Variants in CDH22 observed in about 807,000 individuals in gnomAD.
CDH22 encodes the protein cadherin-22.
CDH22 carries 30 observed loss-of-function variants against 58.4 expected under a neutral mutation model. That is an observed-to-expected ratio of 0.51 (90% confidence interval 0.38 to 0.70). The LOEUF (loss-of-function observed/expected upper bound fraction) is 0.70, where lower values mean the gene tolerates loss of function less well. Ranked by LOEUF, CDH22 falls within the 30% of genes least tolerant of loss-of-function variation. The pLI is 0.00. For synonymous variants in CDH22, 513 were observed against 558.2 expected (o/e 0.92, Z 1.14); for missense variants, 1,014 against 1,233.9 (o/e 0.82, Z 2.67).
At chr20:46,252,104 C>T (rs1303996002) in intron 1 of CDH22, among the ~76,000 whole-genome samples, 1 of 152,006 alleles carries the variant, frequency 6.6e-6, no homozygotes, top group Non-Finnish European at 1.5e-5. Context: ...TCAAGAGCCC[C>T]CAAGACCCAG....
chr20:46,288,706 C>CA (rs1191141846), intron 1 of CDH22, among the ~76,000 whole-genome samples: 5 of 152,174 alleles, frequency 3.3e-5, no homozygotes, highest in Non-Finnish European at 5.9e-5. Context: ...CTGCTTCCGC[C>CA]AAAAGCCTTG....
Position 46,178,060 on chromosome 20 carries a change from C to T in CDH22, c.1801G>A (p.Gly601Ser). The change falls in exon 11 of 12, where the codon GGC (glycine) becomes AGC (serine). Residue 601 changes from glycine to serine, a missense_variant. Physicochemically the swap from Gly to Ser is moderately conservative, Grantham distance 56. This residue lies in a region of CDH22 where 806 missense variants were observed against 1,038.7 expected (regional missense o/e 0.78). Coordinates refer to ENST00000537909, the MANE Select transcript of CDH22 (RefSeq NM_021248.3). ...TGGATGGTGCCGGAGCTGTCGCAGCCACAGATGCGGATGGTGAGCGTGCCT... is the reference window on the plus strand; with the variant it reads ...TGGATGGTGCCGGAGCTGTCGCAGCTACAGATGCGGATGGTGAGCGTGCCT... Reference protein sequence around the residue: ...STGTLTIRICGCDSSGTIQSC... With the variant: ...STGTLTIRICSCDSSGTIQSC... 1 of 1,614,094 alleles carries T rather than the reference C, an allele frequency of 6.2e-7. No homozygotes were observed.
In CDH22 at chr20:46,210,456, C is replaced by T. The variant is rs375912452; in HGVS notation, c.1137G>A (p.Ala379=). 4.0e-5 allele frequency: 57 copies of T among 1,434,806 alleles called. No homozygotes were observed. The highest frequency in any genetic ancestry group is 1.7e-4 in the Admixed American group (6 of 34,298). 88.9% of individuals were successfully genotyped at this position (1,434,806 alleles called of 1,614,324 possible). A position where few individuals can be genotyped will look rare whatever the true frequency, so the allele number is the denominator to read the frequency against. ...FADLGTFRDQ[A]IVRVAVTDVD... ...CGTCGGTCACGGCCACGCGCACGAT[C>T]GCCTGGTCGCGGAACGTGCCCAGGT... Residue 379 remains alanine (A), a synonymous_variant, in exon 7 of 12, where the codon GCG becomes GCA. Coordinates refer to ENST00000537909, the MANE Select transcript of CDH22 (RefSeq NM_021248.3). This position sits in a 1 kb window ranked among gnomAD's most constrained non-coding sequence, Gnocchi z 4.5.
At chr20:46,278,299 C>T (rs2086531090) in intron 1 of CDH22, among the ~76,000 whole-genome samples, 1 of 152,228 alleles carries the variant, frequency 6.6e-6, no homozygotes, top group Non-Finnish European at 1.5e-5. Flanking sequence ...CAGGCAGCCT[C>T]TTGGTTCTGT....
chr20:46,216,074 C>T lies in CDH22; in HGVS notation c.838+752G>A, dbSNP rs1220538218. Among the ~76,000 whole-genome samples, 1 of 152,156 alleles carries T rather than the reference C, an allele frequency of 6.6e-6. No homozygotes were observed. Among genetic ancestry groups the T allele is most frequent in the Admixed American group, 6.5e-5 (1 of 15,290 alleles). On this transcript the variant is annotated intron_variant, in intron 5 of 11. Coordinates refer to ENST00000537909, the MANE Select transcript of CDH22 (RefSeq NM_021248.3). The surrounding 1 kb of genome is among the most constrained non-coding windows in gnomAD (Gnocchi z 5.3). ...CGGGGCCTAATGTGAGAGCAGCAGA[C>T]CTCAAGTAATGACTCACCCGATAGG... is the stretch of plus-strand genomic sequence containing the variant.
chr20:46,269,594 G>A (rs1179132496), intron 1 of CDH22, among the ~76,000 whole-genome samples: 4 of 152,190 alleles, frequency 2.6e-5, no homozygotes, highest in Admixed American at 1.3e-4. Context: ...GCAGTCTGAC[G>A]TCAGAGCCAT....
In CDH22 at chr20:46,302,416, G is replaced by A. The variant is rs183344875; in HGVS notation, c.-400+5839C>T. ...AGACATTGCCAAGAGTCCTCTGGGG[G>A]GCAAAATTGCCCCCAGTTGAAAAAC... On this transcript the variant is annotated intron_variant, in intron 1 of 11. Coordinates refer to ENST00000537909, the MANE Select transcript of CDH22 (RefSeq NM_021248.3). 9.2e-5 allele frequency among the ~76,000 whole-genome samples: 14 copies of A among 152,188 alleles called. No individual in the cohort carries two copies. The Middle Eastern group carries it at 0.01, about 111-fold the overall frequency.
intron 3 of CDH22, among the ~76,000 whole-genome samples, chr20:46,237,003 T>C (rs1179627055): frequency 6.6e-6 from 1 of 152,226 alleles, no homozygotes; most frequent in Admixed American, 6.5e-5. Flanking sequence ...TATTTTATAT[T>C]TTTAATTATT....
At chr20:46,223,261 C>T (rs1362575014) in intron 4 of CDH22, among the ~76,000 whole-genome samples, 1 of 152,194 alleles carries the variant, frequency 6.6e-6, no homozygotes, top group East Asian at 1.9e-4. Flanking sequence ...TAGAAACTGG[C>T]TGTCCTTCCC....
At chr20:46,190,589 T>C (rs935056182) in intron 8 of CDH22, among the ~76,000 whole-genome samples, 1 of 152,266 alleles carries the variant, frequency 6.6e-6, no homozygotes, top group Non-Finnish European at 1.5e-5. Context: ...TTATTTCTTC[T>C]TCTAAAATAA....
At chr20:46,240,738 T>TG (rs980069801) in intron 3 of CDH22, among the ~76,000 whole-genome samples, 1 of 152,134 alleles carries the variant, frequency 6.6e-6, no homozygotes, top group African/African-American at 2.4e-5. Flanking sequence ...TCCACGTTCA[T>TG]GGGGGGCTGT....
chr20:46,179,489 G>A (rs1449556692), intron 10 of CDH22, among the ~76,000 whole-genome samples: 2 of 152,176 alleles, frequency 1.3e-5, no homozygotes, highest in African/African-American at 4.8e-5. Context: ...TGTGGCCTTT[G>A]GCACATCTCA....
chr20:46,229,675 G>T (rs981362499), intron 3 of CDH22, among the ~76,000 whole-genome samples: 1 of 152,230 alleles, frequency 6.6e-6, no homozygotes, highest in African/African-American at 2.4e-5. Context: ...GCAGGTTGTT[G>T]TTGTCAACTC....
At chr20:46,201,873 A>G (rs967750883) in intron 7 of CDH22, among the ~76,000 whole-genome samples, 21 of 152,106 alleles carry the variant, frequency 1.4e-4, no homozygotes, top group African/African-American at 5.1e-4. Flanking sequence ...TGCACCTAAC[A>G]GTTTGGAGCC....
intron 1 of CDH22, among the ~76,000 whole-genome samples, chr20:46,254,554 C>CAAAA (rs1257630029): frequency 3.1e-5 from 2 of 64,132 alleles, no homozygotes; most frequent in African/African-American, 4.8e-5. Flanking sequence ...AATTCCATCT[C>CAAAA]AAAAAAAAAA....
chr20:46,236,816 C>G (rs1486756943), intron 3 of CDH22, among the ~76,000 whole-genome samples: 1 of 151,636 alleles, frequency 6.6e-6, no homozygotes, highest in Non-Finnish European at 1.5e-5. Flanking sequence ...CTCAGCCTCC[C>G]GAGTAGCTGG....
chr20:46,210,624 G>A lies in CDH22; in HGVS notation c.1033-64C>T. 1.5e-6 allele frequency: 2 copies of A among 1,372,344 alleles called. No homozygotes were observed. Among genetic ancestry groups the A allele is most frequent in the South Asian group, 1.9e-5 (1 of 53,126 alleles). The allele number at this position is 1,372,344 out of a possible 1,614,324, so 85.0% of individuals were successfully genotyped here. A position where few individuals can be genotyped will look rare whatever the true frequency, so the allele number is the denominator to read the frequency against. Reference sequence around the variant, plus strand: ...CTGGTGGACACTGAGGCCTTCACGAGGGAGGCCAAGGCAGGCGGGGTTGGC... The same window carrying A: ...CTGGTGGACACTGAGGCCTTCACGAAGGAGGCCAAGGCAGGCGGGGTTGGC... On this transcript the variant is annotated intron_variant, in intron 6 of 11. Coordinates refer to ENST00000537909, the MANE Select transcript of CDH22 (RefSeq NM_021248.3). The surrounding 1 kb of genome is among the most constrained non-coding windows in gnomAD (Gnocchi z 4.5).
At chr20:46,244,543 G>A (rs2086314872) in intron 2 of CDH22, among the ~76,000 whole-genome samples, 1 of 152,242 alleles carries the variant, frequency 6.6e-6, no homozygotes, top group South Asian at 2.1e-4. Flanking sequence ...ATGTGTTGCA[G>A]GCCATCTGCA....
Position 46,174,428 on chromosome 20 carries a change from C to T in CDH22, c.*78G>A. ...GGGGGAGGGCAGGAAAGGGGGTCCG[C>T]GGGGGAAACGCGTTGTCCTGGGGCC... On this transcript the variant is annotated 3_prime_UTR_variant, in exon 12 of 12. Transcript: ENST00000537909. This position sits in a 1 kb window ranked among gnomAD's most constrained non-coding sequence, Gnocchi z 4.4. 2 of 1,043,574 alleles carry T rather than the reference C, an allele frequency of 1.9e-6. No homozygotes were observed. Among genetic ancestry groups the T allele is most frequent in the Non-Finnish European group, 2.6e-6 (2 of 766,340 alleles). The allele number at this position is 1,043,574 out of a possible 1,614,324, so 64.6% of individuals were successfully genotyped here.
Sources: gnomAD v4.1 joint callset for allele counts (sites outside exome capture counted in the v4.1 genomes callset) on GRCh38, gnomAD v4.1.1 for gene constraint, gnomAD v4.1.1 regional missense constraint, Gnocchi (gnomAD v3.1) non-coding constraint, MANE v1.5 for transcripts, NCBI Gene and HGNC (gene_info 2026-07-23, HGNC 2026-07-21) for gene names.